The following HPSE2 variants were observed in gnomAD, a reference collection of about 807,000 sequenced individuals.
The protein encoded by HPSE2 is heparanase 2 (inactive), also known as inactive heparanase-2.
Under a neutral mutation model 60.5 loss-of-function variants are expected in HPSE2, and 38 were observed. The ratio of observed to expected loss-of-function variants is 0.63; its 90% CI spans 0.48 to 0.82. The LOEUF is 0.82. Ranked by LOEUF, HPSE2 falls within the 40% of genes least tolerant of loss-of-function variation. HPSE2 has a pLI of 0.00. For synonymous variants in HPSE2, 295 were observed against 293.2 expected (o/e 1.01, Z -0.06); for missense variants, 713 against 740.4 (o/e 0.96, Z 0.43).
rs953535401 is a variant in HPSE2 at position 98,713,539 on chromosome 10, C to T, written c.956+8118G>A. ...CAAACATGTTAGTGGAACATTAATC[C>T]CTCAAGATGGTCTCTGAAAGTAAGA... On this transcript the variant is annotated intron_variant, in intron 5 of 11. Coordinates refer to ENST00000370552, the MANE Select transcript of HPSE2 (RefSeq NM_021828.5). Among the ~76,000 whole-genome samples the T allele has an allele frequency of 2.6e-5, 4 of 151,508 alleles. No individual in the cohort carries two copies. The Admixed American group carries it at 2.6e-4, about 10-fold the overall frequency.
chr10:98,918,146 C>T (rs1159465656), intron 3 of HPSE2, among the ~76,000 whole-genome samples: 1 of 152,144 alleles, frequency 6.6e-6, no homozygotes, highest in Non-Finnish European at 1.5e-5. Context: ...TCAACAATAA[C>T]AAATCTATTT....
At chr10:99,297,362 C>T in the HPSE2 span, among the ~76,000 whole-genome samples, 1 of 152,228 alleles carries the variant, frequency 6.6e-6, no homozygotes, top group East Asian at 1.9e-4. Flanking sequence ...TCAGTCAGCG[C>T]CGTTTCCACT....
chr10:98,725,487 T>C (rs11189781), intron 4 of HPSE2, among the ~76,000 whole-genome samples: 22,212 of 152,064 alleles, frequency 0.15, 1,967 homozygotes, highest in Admixed American at 0.23. Flanking sequence ...CAAAAATTAA[T>C]TCAAGATGGA....
At chr10:98,536,972 T>C (rs1943302293) in intron 9 of HPSE2, among the ~76,000 whole-genome samples, 1 of 152,146 alleles carries the variant, frequency 6.6e-6, no homozygotes, top group Non-Finnish European at 1.5e-5. Context: ...AATCTGAATT[T>C]TATTCCAGAG....
intron 2 of HPSE2, among the ~76,000 whole-genome samples, chr10:99,201,066 G>T (rs1848561441): frequency 6.6e-6 from 1 of 152,080 alleles, no homozygotes; most frequent in East Asian, 1.9e-4. Flanking sequence ...AATCTAATCT[G>T]CACTGAATTT....
intron 9 of HPSE2, among the ~76,000 whole-genome samples, chr10:98,596,232 C>G (rs890401681): frequency 6.6e-6 from 1 of 152,190 alleles, no homozygotes; most frequent in African/African-American, 2.4e-5. Context: ...AAAACCTACA[C>G]TTTTACTCTC....
chr10:99,058,395 C>T (rs1430159152), intron 3 of HPSE2, among the ~76,000 whole-genome samples: 1 of 152,206 alleles, frequency 6.6e-6, no homozygotes, highest in African/African-American at 2.4e-5. Flanking sequence ...TCCATTTCCT[C>T]ACAAAGACCT....
At chr10:99,141,399 C>G (rs979796372) in intron 3 of HPSE2, among the ~76,000 whole-genome samples, 4 of 152,158 alleles carry the variant, frequency 2.6e-5, no homozygotes, top group Non-Finnish European at 5.9e-5. Flanking sequence ...TTTAAAAACC[C>G]TCTAGGCTAG....
At chr10:98,568,084 T>C (rs968377524) in intron 9 of HPSE2, among the ~76,000 whole-genome samples, 2 of 152,210 alleles carry the variant, frequency 1.3e-5, no homozygotes, top group East Asian at 3.9e-4. Context: ...GTCACCATAA[T>C]GCTTTTATCA....
intron 3 of HPSE2, among the ~76,000 whole-genome samples, chr10:99,057,368 G>C (rs894492805): frequency 6.6e-6 from 1 of 152,084 alleles, no homozygotes; most frequent in African/African-American, 2.4e-5. Context: ...TAGCTAAAAT[G>C]AAAGATTCTA....
chr10:98,559,810 G>A (rs1257406066), intron 9 of HPSE2, among the ~76,000 whole-genome samples: 4 of 152,158 alleles, frequency 2.6e-5, no homozygotes, highest in Non-Finnish European at 5.9e-5. Context: ...AGGAGAATGT[G>A]GGGGTTCTGG....
At chr10:99,183,740 A>T (rs1380734506) in intron 2 of HPSE2, among the ~76,000 whole-genome samples, 1 of 152,108 alleles carries the variant, frequency 6.6e-6, no homozygotes, top group Non-Finnish European at 1.5e-5. Context: ...CCTAGACCAA[A>T]CCCCTGGTGT....
chr10:98,596,687 G>A (rs1451036055), intron 9 of HPSE2, among the ~76,000 whole-genome samples: 2 of 151,794 alleles, frequency 1.3e-5, no homozygotes, highest in African/African-American at 4.8e-5. Flanking sequence ...ACTGTCTCCT[G>A]GCCTGTAATG....
intron 2 of HPSE2, among the ~76,000 whole-genome samples, chr10:99,201,005 T>C (rs925245956): frequency 2.6e-5 from 4 of 152,074 alleles, no homozygotes; most frequent in Non-Finnish European, 4.4e-5. Context: ...AAAGAATAAA[T>C]AGGTAAAAGC....
the HPSE2 span, among the ~76,000 whole-genome samples, chr10:99,285,156 G>A: frequency 6.6e-6 from 1 of 151,896 alleles, no homozygotes. Context: ...ATGGGCTGAG[G>A]TAGTGGTTCA....
intron 3 of HPSE2, among the ~76,000 whole-genome samples, chr10:98,781,306 T>TTTTTTTTTTTTTTTTTTTTTG (rs66481971): frequency 1.7e-5 from 2 of 120,106 alleles, no homozygotes; most frequent in African/African-American, 3.2e-5. Flanking sequence ...TTTTTTTTTT[T>TTTTTTTTTTTTTTTTTTTTTG]ATTTTTAAAT....
chr10:99,111,582 C>T (rs1844465018), intron 3 of HPSE2, among the ~76,000 whole-genome samples: 1 of 152,108 alleles, frequency 6.6e-6, no homozygotes, highest in Non-Finnish European at 1.5e-5. Context: ...AATTCCAAAC[C>T]ACATATCTAC....
chr10:99,113,735 T>C (rs1589677113), intron 3 of HPSE2, among the ~76,000 whole-genome samples: 1 of 152,182 alleles, frequency 6.6e-6, no homozygotes. Context: ...AGTTTTTTAA[T>C]AACAGACTTT....
chr10:98,731,726 T>A (rs545194698), intron 4 of HPSE2, among the ~76,000 whole-genome samples: 10 of 152,154 alleles, frequency 6.6e-5, no homozygotes, highest in Non-Finnish European at 1.3e-4. Flanking sequence ...GACAAGGATG[T>A]CTGCTCTTGC....
Sources: gnomAD v4.1 joint callset for allele counts (sites outside exome capture counted in the v4.1 genomes callset) on GRCh38, gnomAD v4.1.1 for gene constraint, MANE v1.5 for transcripts, NCBI Gene and HGNC (gene_info 2026-07-23, HGNC 2026-07-21) for gene names.